MPP7: variants seen among roughly 807,000 people sequenced by gnomAD.
The protein encoded by MPP7 is MAGUK p55 subfamily member 7.
In MPP7, 60 loss-of-function variants were observed where a neutral mutation model predicts 76.5. The observed-to-expected ratio is 0.78, with a 90% CI of 0.64 to 0.97. The LOEUF (loss-of-function observed/expected upper bound fraction) is 0.97, where lower values mean the gene tolerates loss of function less well. Among genes scored for constraint, MPP7 ranks in the 50% least tolerant of loss-of-function variants. MPP7 has a pLI of 0.00. For synonymous variants in MPP7, 237 were observed against 244.5 expected (o/e 0.97, Z 0.29); for missense variants, 641 against 694.0 (o/e 0.92, Z 0.86).
At chr10:28,306,134 A>G (rs970907935), upstream of MPP7, among the ~76,000 whole-genome samples, 4 of 152,242 alleles carry the variant, frequency 2.6e-5, no homozygotes, top group African/African-American at 9.6e-5. Context: ...GAAGAGATCC[A>G]GCCCTCACTA....
chr10:28,210,273 T>A (rs996581560), intron 2 of MPP7, among the ~76,000 whole-genome samples: 1 of 152,170 alleles, frequency 6.6e-6, no homozygotes, highest in Non-Finnish European at 1.5e-5. Context: ...TATAAGTCAG[T>A]TGGTACAAAA....
intron 1 of MPP7, among the ~76,000 whole-genome samples, chr10:28,268,668 A>G (rs1383963238): frequency 6.6e-6 from 1 of 151,970 alleles, no homozygotes; most frequent in Non-Finnish European, 1.5e-5. Context: ...AGAGGCAGAG[A>G]AGATTGCAGT....
At chr10:28,240,210 T>C (rs1028707825) in intron 1 of MPP7, among the ~76,000 whole-genome samples, 2 of 152,110 alleles carry the variant, frequency 1.3e-5, no homozygotes, top group East Asian at 3.8e-4. Context: ...GAAGCATATT[T>C]TTAACATATA....
chr10:28,222,129 T>G (rs1838529960), intron 2 of MPP7, among the ~76,000 whole-genome samples: 1 of 152,002 alleles, frequency 6.6e-6, no homozygotes, highest in Admixed American at 6.6e-5. Context: ...AAGACAATTC[T>G]TAATATATTT....
At chr10:28,177,060 A>T (rs1193504623) in intron 3 of MPP7, among the ~76,000 whole-genome samples, 1 of 151,712 alleles carries the variant, frequency 6.6e-6, no homozygotes, top group African/African-American at 2.4e-5. Flanking sequence ...GAAAAAAACA[A>T]GAATAATTGC....
At chr10:28,117,156 G>T (rs1221720105) in intron 11 of MPP7, among the ~76,000 whole-genome samples, 1 of 151,950 alleles carries the variant, frequency 6.6e-6, no homozygotes, top group East Asian at 1.9e-4. Context: ...GCAAAATAAA[G>T]ATTTAGAAAA....
At chr10:28,267,328 T>C (rs75477817) in intron 1 of MPP7, among the ~76,000 whole-genome samples, 1,631 of 152,330 alleles carry the variant, frequency 0.011, 19 homozygotes, top group African/African-American at 0.037. Flanking sequence ...TATGAGGCAA[T>C]TGCTGCCTTT....
chr10:28,134,597 C>T (rs1835297255), intron 5 of MPP7, among the ~76,000 whole-genome samples: 1 of 151,980 alleles, frequency 6.6e-6, no homozygotes, highest in Non-Finnish European at 1.5e-5. Context: ...TAAACAACAT[C>T]AAGATGATAA....
chr10:28,315,256 G>GGAGA (rs1834307751), intron 2 of MPP7, among the ~76,000 whole-genome samples: 1 of 145,866 alleles, frequency 6.9e-6, no homozygotes, highest in Non-Finnish European at 1.5e-5. Context: ...AGGAAGGAAG[G>GGAGA]GAGGGAGGGA....
chr10:28,291,723 T>A (rs945792245), intron 1 of MPP7, among the ~76,000 whole-genome samples: 5 of 152,224 alleles, frequency 3.3e-5, no homozygotes, highest in Non-Finnish European at 7.3e-5. Context: ...ATTTTTTTAA[T>A]AAAAGAAAAT....
intron 12 of MPP7, among the ~76,000 whole-genome samples, chr10:28,087,666 G>T (rs1853084559): frequency 6.6e-6 from 1 of 152,174 alleles, no homozygotes; most frequent in African/African-American, 2.4e-5. Context: ...AAAGCGCTGG[G>T]ATTACAGGCA....
intron 11 of MPP7, among the ~76,000 whole-genome samples, chr10:28,106,980 G>C (rs1834346560): frequency 6.6e-6 from 1 of 152,110 alleles, no homozygotes; most frequent in African/African-American, 2.4e-5. Flanking sequence ...TGCTAGAAGA[G>C]AGACACAGAT....
intron 11 of MPP7, among the ~76,000 whole-genome samples, chr10:28,096,779 TG>T (rs1329886635): frequency 6.6e-6 from 1 of 152,160 alleles, no homozygotes; most frequent in Non-Finnish European, 1.5e-5. Flanking sequence ...CTGGAATTAC[TG>T]ACATGTAATC....
chr10:28,087,207 A>C (rs1853056971), intron 12 of MPP7, among the ~76,000 whole-genome samples: 1 of 152,124 alleles, frequency 6.6e-6, no homozygotes, highest in South Asian at 2.1e-4. Flanking sequence ...CTCTCTCTCC[A>C]CGTGATCTCT....
chr10:28,312,233 T>G (rs1003562145), intron 2 of MPP7, among the ~76,000 whole-genome samples: 2 of 152,112 alleles, frequency 1.3e-5, no homozygotes, highest in East Asian at 3.9e-4. Context: ...CCTATCAGAG[T>G]GCCCTTTTTT....
chr10:28,125,965 T>C (rs1835004513), intron 6 of MPP7, among the ~76,000 whole-genome samples: 1 of 152,224 alleles, frequency 6.6e-6, no homozygotes, highest in Non-Finnish European at 1.5e-5. Context: ...CATTGCATAA[T>C]ACTGCTAAAA....
At chr10:28,076,350 T>C (rs1450254624) in intron 12 of MPP7, among the ~76,000 whole-genome samples, 2 of 152,182 alleles carry the variant, frequency 1.3e-5, no homozygotes, top group Non-Finnish European at 2.9e-5. Context: ...GTCTATAATA[T>C]GTCAGGCACC....
rs112413760 is a variant in MPP7 at position 28,097,596 on chromosome 10, T to A, written c.953-7755A>T. On this transcript the variant is annotated intron_variant, in intron 11 of 16. Coordinates refer to ENST00000683449, the MANE Select transcript of MPP7 (RefSeq NM_001318170.2). Reference sequence around the variant, plus strand: ...AGTTTCAGACATTACCCTATATACATAGATGCATAATAGAAAAAAAATGAA... The same window carrying A: ...AGTTTCAGACATTACCCTATATACAAAGATGCATAATAGAAAAAAAATGAA... Among the ~76,000 whole-genome samples the A allele has an allele frequency of 7.2e-3, 1,093 of 152,206 alleles. 14 individuals carry two copies. The highest frequency in any genetic ancestry group is 0.025 in the African/African-American group (1,040 of 41,534).
At chr10:28,110,628 A>G (rs975724416) in intron 11 of MPP7, among the ~76,000 whole-genome samples, 1 of 152,234 alleles carries the variant, frequency 6.6e-6, no homozygotes, top group Non-Finnish European at 1.5e-5. Context: ...ACATTTGTAA[A>G]GTAAGCAATG....
Sources: gnomAD v4.1 joint callset for allele counts (sites outside exome capture counted in the v4.1 genomes callset) on GRCh38, gnomAD v4.1.1 for gene constraint, MANE v1.5 for transcripts, NCBI Gene and HGNC (gene_info 2026-07-23, HGNC 2026-07-21) for gene names.